GRIN2A: variants seen among roughly 807,000 people sequenced by gnomAD.
GRIN2A encodes the protein glutamate ionotropic receptor NMDA type subunit 2A.
In GRIN2A, 22 loss-of-function variants were observed where a neutral mutation model predicts 113.4. The ratio of observed to expected loss-of-function variants is 0.19; its 90% CI spans 0.14 to 0.28. The LOEUF is 0.28. GRIN2A is among the 10% of genes least tolerant of loss of function. GRIN2A has a pLI of 1.00. For synonymous variants in GRIN2A, 827 were observed against 738.4 expected, an observed-to-expected ratio of 1.12 and a Z score of -1.94; for missense variants, 1,502 against 1,887.0, an observed-to-expected ratio of 0.80 and a Z score of 3.78.
chr16:10,068,536 A>C (rs1351012682), intron 2 of GRIN2A, among the ~76,000 whole-genome samples: 1 of 152,254 alleles, frequency 6.6e-6, no homozygotes, highest in African/African-American at 2.4e-5. Context: ...GAGTTCACTC[A>C]GTACCAAGAG....
rs869182389 is a variant in GRIN2A at position 9,914,905 on chromosome 16, CTTTTTTTTTTTTTTTTTTT to C, written c.1007+23035_1007+23053del. ...TATTTACAGCCTATTGATTATGCAG[CTTTTTTTTTTTTTTTTTTT>C]TTTTTTTTTTTTTTTTTTTTTTTTT... On this transcript the variant is annotated intron_variant, in intron 3 of 12. Coordinates refer to ENST00000330684, the MANE Select transcript of GRIN2A (RefSeq NM_001134407.3). 7.1e-3 allele frequency among the ~76,000 whole-genome samples: 237 copies of C among 33,440 alleles called. 1 individual carries two copies. The highest frequency in any genetic ancestry group is 0.012 in the Non-Finnish European group (197 of 17,098). 21.9% of individuals were successfully genotyped at this position (33,440 alleles called of 152,430 possible). A position where few individuals can be genotyped will look rare whatever the true frequency, so the allele number is the denominator to read the frequency against.
chr16:9,988,542 ATCTC>A (rs140580698), intron 2 of GRIN2A, among the ~76,000 whole-genome samples: 25 of 148,676 alleles, frequency 1.7e-4, no homozygotes, highest in Admixed American at 9.4e-4. Context: ...GTACCAATTA[ATCTC>A]TCTCTCTCTC....
At chr16:9,766,604 A>G (rs534878597) in intron 12 of GRIN2A, among the ~76,000 whole-genome samples, 1 of 152,322 alleles carries the variant, frequency 6.6e-6, no homozygotes, top group South Asian at 2.1e-4. Flanking sequence ...CCACAAAATA[A>G]CATCTGCCCC....
chr16:10,043,128 T>TG (rs1326089829), intron 2 of GRIN2A, among the ~76,000 whole-genome samples: 1 of 152,252 alleles, frequency 6.6e-6, no homozygotes, highest in East Asian at 1.9e-4. Context: ...ATTTTACATT[T>TG]GGTAGTATCT....
intron 2 of GRIN2A, among the ~76,000 whole-genome samples, chr16:9,964,732 C>T (rs936752118): frequency 1.3e-5 from 2 of 152,150 alleles, no homozygotes; most frequent in Admixed American, 6.5e-5. Context: ...TGGAAAAGCT[C>T]TTCACTTTTG....
intron 11 of GRIN2A, among the ~76,000 whole-genome samples, chr16:9,773,109 A>G (rs1349040668): frequency 6.6e-6 from 1 of 152,078 alleles, no homozygotes; most frequent in Non-Finnish European, 1.5e-5. Flanking sequence ...TCCTGGAGGG[A>G]GATCAGGGAC....
intron 2 of GRIN2A, among the ~76,000 whole-genome samples, chr16:10,075,464 G>A (rs1002487633): frequency 6.6e-6 from 1 of 152,114 alleles, no homozygotes; most frequent in East Asian, 1.9e-4. Flanking sequence ...GAGAGTGATT[G>A]CAAGTAAGTA....
At chr16:9,862,236 TC>T (rs2043081883) in intron 4 of GRIN2A, among the ~76,000 whole-genome samples, 1 of 152,230 alleles carries the variant, frequency 6.6e-6, no homozygotes, top group African/African-American at 2.4e-5. Context: ...ATGAGTTTAA[TC>T]AGCTATTAGA....
intron 11 of GRIN2A, among the ~76,000 whole-genome samples, chr16:9,772,509 C>A (rs971318551): frequency 3.3e-5 from 5 of 152,060 alleles, no homozygotes; most frequent in African/African-American, 1.2e-4. Context: ...GTAGTTGGGA[C>A]GACAGGCACA....
rs71402435 is a variant in GRIN2A at position 10,132,340 on chromosome 16, C to CAAAAAAAAAAA, written c.414+47647_414+47657dup. 2.4e-3 allele frequency among the ~76,000 whole-genome samples: 150 copies of CAAAAAAAAAAA among 61,586 alleles called. 7 individuals carry two copies. Among genetic ancestry groups the CAAAAAAAAAAA allele is most frequent in the African/African-American group, 3.9e-3 (66 of 16,824 alleles). 40.4% of individuals were successfully genotyped at this position (61,586 alleles called of 152,430 possible). ...GAATGAGCAGAACAAGACACCGTCT[C>CAAAAAAAAAAA]AAAAAAAAAAAAAAAAAAGATGTGA... On this transcript the variant is annotated intron_variant, in intron 2 of 12. Coordinates refer to ENST00000330684, the MANE Select transcript of GRIN2A (RefSeq NM_001134407.3).
In GRIN2A at chr16:10,180,154, C is replaced by G. The variant is rs774606054; in HGVS notation, c.258G>C (p.Val86=). 1 of 1,614,216 alleles carries G rather than the reference C, an allele frequency of 6.2e-7. No individual in the cohort carries two copies. The highest frequency in any genetic ancestry group is 8.5e-7 in the Non-Finnish European group (1 of 1,180,042). ...RTDPKSLITH[V]CDLMSGARIH... The stretch of plus-strand genomic sequence containing the variant: ...TGCGTGCCCCGGACATGAGGTCGCA[C>G]ACGTGCGTGATGAGGCTCTTGGGGT... Residue 86 remains valine (V), a synonymous_variant, in exon 2 of 13, where the codon GTG becomes GTC. Transcript: ENST00000330684. This position sits in a 1 kb window ranked among gnomAD's most constrained non-coding sequence, Gnocchi z 7.0.
intron 10 of GRIN2A, among the ~76,000 whole-genome samples, chr16:9,803,248 T>C (rs1474014270): frequency 1.3e-5 from 2 of 151,518 alleles, no homozygotes; most frequent in Non-Finnish European, 2.9e-5. Flanking sequence ...CTACTAAAAT[T>C]ACAAAAAAAA....
chr16:9,916,661 C>G (rs1165789848), intron 3 of GRIN2A, among the ~76,000 whole-genome samples: 1 of 152,290 alleles, frequency 6.6e-6, no homozygotes, highest in South Asian at 2.1e-4. Context: ...CAACGGTCCA[C>G]TCCTAGCTCT....
chr16:10,165,719 A>G (rs1321697430), intron 2 of GRIN2A, among the ~76,000 whole-genome samples: 2 of 37,370 alleles, frequency 5.4e-5, no homozygotes, highest in Non-Finnish European at 9.6e-5. Context: ...GAGGGGAGAA[A>G]GGAGGGGAGG....
At chr16:9,831,116 T>C (rs1340211105) in intron 8 of GRIN2A, among the ~76,000 whole-genome samples, 1 of 152,180 alleles carries the variant, frequency 6.6e-6, no homozygotes, top group Admixed American at 6.5e-5. Flanking sequence ...GTAGCTGTCA[T>C]TTCCCAAGAG....
chr16:10,100,444 G>A (rs2048372006), intron 2 of GRIN2A, among the ~76,000 whole-genome samples: 1 of 152,146 alleles, frequency 6.6e-6, no homozygotes, highest in Admixed American at 6.5e-5. Context: ...GATGTATTTC[G>A]ACTGATGTTG....
chr16:9,802,186 A>T (rs528179170), intron 10 of GRIN2A, among the ~76,000 whole-genome samples: 8 of 152,342 alleles, frequency 5.3e-5, no homozygotes, highest in African/African-American at 1.9e-4. Context: ...TATACTGGGT[A>T]TACACCCAAA....
At chr16:9,897,490 C>T (rs939739628) in intron 3 of GRIN2A, among the ~76,000 whole-genome samples, 1 of 152,108 alleles carries the variant, frequency 6.6e-6, no homozygotes, top group African/African-American at 2.4e-5. Context: ...AGCCAGCCAC[C>T]AACCACGTGT....
At chr16:9,874,255 A>G (rs1451690374) in intron 4 of GRIN2A, among the ~76,000 whole-genome samples, 2 of 152,242 alleles carry the variant, frequency 1.3e-5, no homozygotes, top group African/African-American at 2.4e-5. Context: ...TCAAAAGACA[A>G]TGGCTAGATA....
Sources: gnomAD v4.1 joint callset for allele counts (sites outside exome capture counted in the v4.1 genomes callset) on GRCh38, gnomAD v4.1.1 for gene constraint, Gnocchi (gnomAD v3.1) non-coding constraint, MANE v1.5 for transcripts, NCBI Gene and HGNC (gene_info 2026-07-23, HGNC 2026-07-21) for gene names.